Variants in SPATA6 observed in about 807,000 individuals in gnomAD.
SPATA6 encodes the protein spermatogenesis-associated protein 6.
Under a neutral mutation model 65.3 loss-of-function variants are expected in SPATA6, and 56 were observed. The observed-to-expected ratio is 0.86, with a 90% CI of 0.69 to 1.07. SPATA6 has a LOEUF of 1.07. Among genes scored for constraint, SPATA6 ranks in the 50% least tolerant of loss-of-function variants. The pLI is 0.00. For synonymous variants in SPATA6, 199 were observed against 213.2 expected (o/e 0.93, Z 0.58); for missense variants, 590 against 594.8 (o/e 0.99, Z 0.08).
At position 48,413,160 on chromosome 1, in the gene SPATA6, T is replaced by G; in HGVS notation, c.239-9A>C. 7.0e-7 allele frequency: 1 copy of G among 1,420,396 alleles called. No homozygotes were observed. Among genetic ancestry groups the G allele is most frequent in the Non-Finnish European group, 9.2e-7 (1 of 1,085,180 alleles). The allele number at this position is 1,420,396 out of a possible 1,614,324, so 88.0% of individuals were successfully genotyped here. On this transcript the variant is annotated splice_polypyrimidine_tract_variant and intron_variant, in intron 3 of 12. Transcript: ENST00000371847. ...GAACACTGCTGTATCATCTAAAAGTTTAAAGAAAAATTTCCTTAAATAAAC... is the reference window on the plus strand; with the variant it reads ...GAACACTGCTGTATCATCTAAAAGTGTAAAGAAAAATTTCCTTAAATAAAC...
At chr1:48,416,185 C>G (rs111565541) in intron 3 of SPATA6, among the ~76,000 whole-genome samples, 3,750 of 152,050 alleles carry the variant, frequency 0.025, 98 homozygotes, top group African/African-American at 0.067. Context: ...CTGGGTGAAG[C>G]AGCGAGACTC....
rs540124155 is a variant in SPATA6 at position 48,336,607 on chromosome 1, C to A, written c.1194+19063G>T. Among the ~76,000 whole-genome samples, 10 of 151,502 alleles carry A rather than the reference C, an allele frequency of 6.6e-5. No homozygotes were observed. In the South Asian group the frequency reaches 2.1e-3, roughly 32 times the overall value. On this transcript the variant is annotated intron_variant, in intron 11 of 12. Transcript: ENST00000371847. ...GAATACATGAACAAAAAGAGGGCAACAACAGACAATGGGGCCTCCTCGAGG... is the reference window on the plus strand; with the variant it reads ...GAATACATGAACAAAAAGAGGGCAAAAACAGACAATGGGGCCTCCTCGAGG...
intron 11 of SPATA6, among the ~76,000 whole-genome samples, chr1:48,323,007 G>A (rs1056112367): frequency 6.6e-6 from 1 of 152,190 alleles, no homozygotes; most frequent in Non-Finnish European, 1.5e-5. Context: ...GTGGAAGACA[G>A]TGTGCCAATT....
At chr1:48,375,704 T>G (rs1431551294) in intron 9 of SPATA6, among the ~76,000 whole-genome samples, 2 of 152,138 alleles carry the variant, frequency 1.3e-5, no homozygotes, top group Non-Finnish European at 2.9e-5. Flanking sequence ...ACCGCCAGAC[T>G]CATGGATTTA....
intron 8 of SPATA6, among the ~76,000 whole-genome samples, chr1:48,389,064 C>T (rs1312128458): frequency 1.3e-5 from 2 of 152,082 alleles, no homozygotes; most frequent in Non-Finnish European, 2.9e-5. Context: ...AGGCTGGTCT[C>T]GAAGTCCTGG....
intron 7 of SPATA6, among the ~76,000 whole-genome samples, chr1:48,398,265 T>C (rs2147924726): frequency 6.6e-6 from 1 of 151,748 alleles, no homozygotes; most frequent in East Asian, 1.9e-4. Flanking sequence ...AATTTTCTTT[T>C]ATGATAAAAC....
chr1:48,350,819 C>G (rs1646495983), intron 11 of SPATA6, among the ~76,000 whole-genome samples: 1 of 151,880 alleles, frequency 6.6e-6, no homozygotes, highest in African/African-American at 2.4e-5. Context: ...AGTCCTCCAG[C>G]TTTGTTTGTT....
At position 48,435,870 on chromosome 1, in the gene SPATA6, G is replaced by A. The variant is rs979633179; in HGVS notation, c.238+15682C>T. 4 of 1,284,982 alleles carry A rather than the reference G, an allele frequency of 3.1e-6. No individual in the cohort carries two copies. In the Admixed American group the frequency reaches 5.2e-5, roughly 17 times the overall value. The allele number at this position is 1,284,982 out of a possible 1,614,324, so 79.6% of individuals were successfully genotyped here. The stretch of plus-strand genomic sequence containing the variant: ...GAGTCGCTGGCCATGGTCGCTGCTA[G>A]GTAGGATATATCTGCATCTTGAAAG... On this transcript the variant is annotated intron_variant, in intron 3 of 12. Transcript: ENST00000371847.
At chr1:48,387,157 C>G (rs1474072033) in intron 8 of SPATA6, among the ~76,000 whole-genome samples, 1 of 152,120 alleles carries the variant, frequency 6.6e-6, no homozygotes, top group Non-Finnish European at 1.5e-5. Context: ...TTTTTAAAAT[C>G]ATTAGATCTC....
chr1:48,367,148 G>C (rs1354533961), intron 9 of SPATA6, among the ~76,000 whole-genome samples: 6 of 152,184 alleles, frequency 3.9e-5, no homozygotes, highest in Admixed American at 2.0e-4. Flanking sequence ...TGATTGCACT[G>C]TGGTCTGAGA....
intron 11 of SPATA6, among the ~76,000 whole-genome samples, chr1:48,321,977 C>T (rs138120824): frequency 4.6e-5 from 7 of 151,904 alleles, no homozygotes; most frequent in Middle Eastern, 3.4e-3. Flanking sequence ...CATGAAAATA[C>T]AACATACCAA....
the SPATA6 span, among the ~76,000 whole-genome samples, chr1:48,277,234 G>C: frequency 6.6e-6 from 1 of 152,072 alleles, no homozygotes; most frequent in Non-Finnish European, 1.5e-5. Flanking sequence ...CCGGTCTACA[G>C]TTTCCAGCGT....
rs143388571 is a variant in SPATA6, at chr1:48,371,078, A to G, written c.910-11308T>C. On this transcript the variant is annotated intron_variant, in intron 9 of 12. Coordinates refer to ENST00000371847, the MANE Select transcript of SPATA6 (RefSeq NM_019073.4). ...CCATATATGGAAAAATTATAACTAA[A>G]ATATTTTAATTCAGGAATGTTAAAG... Among the ~76,000 whole-genome samples, 7 of 152,326 alleles carry G rather than the reference A, an allele frequency of 4.6e-5. No individual in the cohort carries two copies. In the East Asian group the frequency reaches 1.3e-3, roughly 29 times the overall value.
chr1:48,372,721 T>C (rs1191248264), intron 9 of SPATA6, among the ~76,000 whole-genome samples: 1 of 152,246 alleles, frequency 6.6e-6, no homozygotes, highest in Non-Finnish European at 1.5e-5. Context: ...TCCAGGAGTT[T>C]CCATACATCT....
At chr1:48,413,456 C>CTTTT (rs35376845) in intron 3 of SPATA6, among the ~76,000 whole-genome samples, 15 of 110,874 alleles carry the variant, frequency 1.4e-4, no homozygotes, top group Admixed American at 9.8e-5. Context: ...CGCCCGGATA[C>CTTTT]TTTTTTTTTT....
At chr1:48,436,762 G>A (rs1394527718) in intron 3 of SPATA6, 9 of 1,614,208 alleles carry the variant, frequency 5.6e-6, no homozygotes, top group East Asian at 2.2e-5. Context: ...CAGTGGGCAG[G>A]TGCCTTTCCA....
chr1:48,291,882 A>G (rs1011598364), downstream of SPATA6, among the ~76,000 whole-genome samples: 3 of 152,132 alleles, frequency 2.0e-5, no homozygotes, highest in Non-Finnish European at 4.4e-5. Flanking sequence ...CCTCCTAGCC[A>G]CCATTTTCCC....
At chr1:48,388,639 T>A (rs1649735195) in intron 8 of SPATA6, among the ~76,000 whole-genome samples, 1 of 150,808 alleles carries the variant, frequency 6.6e-6, no homozygotes, top group South Asian at 2.1e-4. Context: ...GAAGGAGATA[T>A]ATATCACAAA....
At chr1:48,386,654 C>T (rs983396132) in intron 8 of SPATA6, among the ~76,000 whole-genome samples, 3 of 152,206 alleles carry the variant, frequency 2.0e-5, no homozygotes, top group Admixed American at 1.3e-4. Context: ...GAGAGACTCT[C>T]AGCTGTCCAC....
Sources: allele counts gnomAD v4.1 joint callset (sites outside exome capture counted in the v4.1 genomes callset), GRCh38; gene constraint gnomAD v4.1.1; transcripts MANE v1.5; gene names NCBI Gene and HGNC (gene_info 2026-07-23, HGNC 2026-07-21).